NAV3: variants seen among roughly 807,000 people sequenced by gnomAD.
NAV3 encodes the protein pore membrane and/or filament interacting like protein 1.
NAV3 carries 87 observed loss-of-function variants against 244.7 expected under a neutral mutation model. That is an observed-to-expected ratio of 0.36 (90% CI 0.30 to 0.42). The LOEUF (loss-of-function observed/expected upper bound fraction) is 0.42. Among genes scored for constraint, NAV3 ranks in the 20% least tolerant of loss-of-function variants. The pLI is 1.00. For synonymous variants in NAV3, 1,126 were observed against 1,042.2 expected (o/e 1.08, Z -1.55); for missense variants, 2,663 against 2,893.3 (o/e 0.92, Z 1.83).
intron 3 of NAV3, among the ~76,000 whole-genome samples, chr12:77,949,477 T>C (rs1044721769): frequency 1.8e-4 from 28 of 152,136 alleles, no homozygotes; most frequent in African/African-American, 6.7e-4. Flanking sequence ...TCTTTGGATC[T>C]TCCGCTATTT....
At chr12:77,905,651 T>C (rs1483286323) in intron 1 of NAV3, among the ~76,000 whole-genome samples, 3 of 152,190 alleles carry the variant, frequency 2.0e-5, no homozygotes. Flanking sequence ...ATTTAATGCA[T>C]TTCTTACTCT....
chr12:78,188,182 A>G, intron 31 of NAV3, 66 bp from the exon 32 acceptor site: 1 of 1,199,578 alleles, frequency 8.3e-7, no homozygotes. Flanking sequence ...TAATTTTAGT[A>G]GAAAATGTAG....
chr12:77,796,167 C>T (rs1423386413), intron 2 of NAV3, among the ~76,000 whole-genome samples: 2 of 152,018 alleles, frequency 1.3e-5, no homozygotes, highest in Non-Finnish European at 2.9e-5. Flanking sequence ...AAAAAAATTG[C>T]CATTCTAGAT....
At chr12:77,798,284 TTAAC>T (rs1871531071) in intron 2 of NAV3, among the ~76,000 whole-genome samples, 1 of 152,190 alleles carries the variant, frequency 6.6e-6, no homozygotes, top group Non-Finnish European at 1.5e-5. Context: ...AACTGGATAT[TTAAC>T]TAAATTTATT....
intron 1 of NAV3, among the ~76,000 whole-genome samples, chr12:77,886,762 A>G (rs950857713): frequency 1.3e-5 from 2 of 152,056 alleles, no homozygotes; most frequent in Non-Finnish European, 2.9e-5. Context: ...ATAAATATCT[A>G]GAACAGTGCC....
At chr12:77,759,393 G>T (rs560930897) in intron 2 of NAV3, among the ~76,000 whole-genome samples, 2 of 152,330 alleles carry the variant, frequency 1.3e-5, no homozygotes, top group African/African-American at 2.4e-5. Flanking sequence ...GGTGGAGCTG[G>T]TATTCAATCT....
At chr12:77,624,038 C>T (rs900364105) in intron 2 of NAV3, among the ~76,000 whole-genome samples, 1 of 151,986 alleles carries the variant, frequency 6.6e-6, no homozygotes, top group African/African-American at 2.4e-5. Flanking sequence ...AGGGAACCTA[C>T]ATAATAAAAG....
intron 2 of NAV3, among the ~76,000 whole-genome samples, chr12:77,628,901 C>CAAAAAAA (rs1871758755): frequency 8.7e-6 from 1 of 114,980 alleles, no homozygotes. Context: ...GACCCTGTCT[C>CAAAAAAA]CAAAAAAAAA....
Position 77,641,401 on chromosome 12 carries a change from A to G in NAV3, c.72+69135A>G, listed in dbSNP as rs186475866. Among the ~76,000 whole-genome samples, 6 of 152,220 alleles carry G rather than the reference A, an allele frequency of 3.9e-5. No homozygotes were observed. The East Asian group carries it at 1.2e-3, about 29-fold the overall frequency. ...TTACAAGGCTACTGTTACTTGTTGA[A>G]TCATCTCTAGTTTTCAGAATACTGT... On this transcript the variant is annotated intron_variant, in intron 2 of 8. Transcript: ENST00000550042.
At chr12:78,011,625 A>G (rs1875291579) in intron 8 of NAV3, among the ~76,000 whole-genome samples, 2 of 152,158 alleles carry the variant, frequency 1.3e-5, no homozygotes, top group Non-Finnish European at 2.9e-5. Flanking sequence ...GCATGATGGG[A>G]AAAATAATAG....
chr12:77,587,311 T>C (rs997033479), intron 2 of NAV3, among the ~76,000 whole-genome samples: 2 of 152,140 alleles, frequency 1.3e-5, no homozygotes, highest in Non-Finnish European at 2.9e-5. Context: ...GACAAAAGTA[T>C]TGAGGTAAAA....
chr12:77,771,927 TAA>T (rs11300519), intron 2 of NAV3, among the ~76,000 whole-genome samples: 15 of 151,990 alleles, frequency 9.9e-5, no homozygotes, highest in East Asian at 1.9e-4. Flanking sequence ...ATAAAAAAAT[TAA>T]AAAAAAATGT....
chr12:78,111,831 T>C (rs1955107894), intron 12 of NAV3, among the ~76,000 whole-genome samples: 2 of 152,184 alleles, frequency 1.3e-5, no homozygotes, highest in African/African-American at 2.4e-5. Context: ...AGTGTGTATA[T>C]TTGTGTTTTT....
At chr12:77,995,904 A>T (rs1004402816) in intron 6 of NAV3, among the ~76,000 whole-genome samples, 1 of 151,800 alleles carries the variant, frequency 6.6e-6, no homozygotes, top group Non-Finnish European at 1.5e-5. Flanking sequence ...ATTTTGATAG[A>T]TCTCTCTCCC....
chr12:78,116,368 A>C (rs931719749), intron 12 of NAV3, among the ~76,000 whole-genome samples: 1 of 152,226 alleles, frequency 6.6e-6, no homozygotes, highest in Admixed American at 6.5e-5. Context: ...CTGGTTCCTG[A>C]CTACAGCACA....
At chr12:78,160,481 CAA>C (rs772674390) in intron 23 of NAV3, among the ~76,000 whole-genome samples, 20 of 151,562 alleles carry the variant, frequency 1.3e-4, no homozygotes, top group Admixed American at 7.9e-4. Flanking sequence ...ATCTAATTCT[CAA>C]AGAGACCCAT....
chr12:77,728,727 A>T (rs1876991877), intron 2 of NAV3, among the ~76,000 whole-genome samples: 2 of 151,880 alleles, frequency 1.3e-5, no homozygotes, highest in African/African-American at 2.4e-5. Context: ...GATGTCCAGA[A>T]CACACTTACA....
At chr12:77,965,815 T>C (rs550049665) in intron 3 of NAV3, among the ~76,000 whole-genome samples, 12 of 152,308 alleles carry the variant, frequency 7.9e-5, no homozygotes, top group African/African-American at 2.9e-4. Context: ...TCTCCATCTA[T>C]CTATCTTTTG....
At chr12:77,786,921 C>G (rs1178768796) in intron 2 of NAV3, among the ~76,000 whole-genome samples, 1 of 152,048 alleles carries the variant, frequency 6.6e-6, no homozygotes, top group Non-Finnish European at 1.5e-5. Context: ...GGATTCCACC[C>G]ATTGTTTCCC....
Sources: allele counts gnomAD v4.1 joint callset (sites outside exome capture counted in the v4.1 genomes callset), GRCh38; gene constraint gnomAD v4.1.1; transcripts MANE v1.5; gene names NCBI Gene and HGNC (gene_info 2026-07-23, HGNC 2026-07-21).